TENM3: variants seen among roughly 807,000 people sequenced by gnomAD.
TENM3 encodes teneurin-3.
TENM3 carries 63 observed loss-of-function variants against 255.1 expected under a neutral mutation model. The observed-to-expected ratio is 0.25, with a 90% CI of 0.20 to 0.30. The LOEUF (loss-of-function observed/expected upper bound fraction) is 0.30, where lower values mean the gene tolerates loss of function less well. TENM3 is among the 10% of genes least tolerant of loss of function. The pLI is 1.00. For missense variants in TENM3, 2,929 were observed against 3,461.1 expected (o/e 0.85, Z 3.86); for synonymous variants, 1,306 against 1,322.3 (o/e 0.99, Z 0.27).
At chr4:182,777,545 T>TGTGTGTG (rs1273276930) in intron 24 of TENM3, among the ~76,000 whole-genome samples, 2 of 88,622 alleles carry the variant, frequency 2.3e-5, no homozygotes, top group Admixed American at 1.3e-4. Flanking sequence ...GTGTGTGTAT[T>TGTGTGTG]TCTTTTTTTT....
chr4:182,250,776 T>G (rs922974435), intron 1 of TENM3, among the ~76,000 whole-genome samples: 1 of 152,228 alleles, frequency 6.6e-6, no homozygotes, highest in Non-Finnish European at 1.5e-5. Context: ...ATTTTTATAT[T>G]TCTGTTGACT....
At chr4:181,591,820 G>A in the TENM3 span, among the ~76,000 whole-genome samples, 3 of 152,228 alleles carry the variant, frequency 2.0e-5, no homozygotes, top group Admixed American at 1.3e-4. Flanking sequence ...TGTCTGCCAC[G>A]AAACCAGTCC....
chr4:182,666,584 A>G, intron 6 of TENM3, among the ~76,000 whole-genome samples: 1 of 152,196 alleles, frequency 6.6e-6, no homozygotes, highest in East Asian at 1.9e-4. Context: ...TTTTTAAATT[A>G]AGTTTGTACG....
the TENM3 span, among the ~76,000 whole-genome samples, chr4:181,806,987 A>G: frequency 2.0e-4 from 30 of 151,592 alleles, no homozygotes; most frequent in East Asian, 2.0e-3. Flanking sequence ...TACTCCATCA[A>G]TTAGTCACTC....
chr4:182,679,970 C>A, intron 8 of TENM3, 94 bp downstream of exon 8: 1 of 1,130,056 alleles, frequency 8.8e-7, no homozygotes, highest in Non-Finnish European at 1.3e-6. Flanking sequence ...TGGGGTAATT[C>A]CTAGGGTGTT....
At chr4:181,738,266 A>G in the TENM3 span, among the ~76,000 whole-genome samples, 7 of 152,274 alleles carry the variant, frequency 4.6e-5, no homozygotes, top group Non-Finnish European at 7.4e-5. Context: ...TGTATACAGT[A>G]ACTGGATTTC....
chr4:182,336,194 C>T (rs1764127411), intron 2 of TENM3, among the ~76,000 whole-genome samples: 1 of 152,164 alleles, frequency 6.6e-6, no homozygotes, highest in African/African-American at 2.4e-5. Flanking sequence ...CATTCAGACA[C>T]AGATAACTCA....
At chr4:182,631,449 T>TA (rs1353524590) in intron 5 of TENM3, 1 of 152,238 alleles carries the variant, frequency 6.6e-6, no homozygotes, top group African/African-American at 2.4e-5. Context: ...TTTAATCAGG[T>TA]AAAAAAATTT....
Position 182,690,587 on chromosome 4 carries a change from G to GTA in TENM3, c.2221+2238_2221+2239dup, listed in dbSNP as rs1756940825. Reference sequence around the variant, plus strand: ...GAGGGAGAAAAGTTATGATCTGACTGTATGTATCTTAGGAAGTACAACAAA... The same window carrying GTA: ...GAGGGAGAAAAGTTATGATCTGACTGTATATGTATCTTAGGAAGTACAACAAA... On this transcript the variant is annotated intron_variant, in intron 12 of 27. Coordinates refer to ENST00000511685, the MANE Select transcript of TENM3 (RefSeq NM_001080477.4). Among the ~76,000 whole-genome samples, 4 of 152,276 alleles carry GTA rather than the reference G, an allele frequency of 2.6e-5. No individual in the cohort carries two copies. In the South Asian group the frequency reaches 8.3e-4, roughly 32 times the overall value.
chr4:181,977,917 G>A, the TENM3 span, among the ~76,000 whole-genome samples: 1 of 152,182 alleles, frequency 6.6e-6, no homozygotes, highest in Non-Finnish European at 1.5e-5. Flanking sequence ...CTGAAAGTAA[G>A]AACAATCAGT....
chr4:181,760,853 G>A, the TENM3 span, among the ~76,000 whole-genome samples: 16 of 151,798 alleles, frequency 1.1e-4, no homozygotes, highest in South Asian at 3.3e-3. Context: ...GAATCATATG[G>A]TTGATGATTA....
intron 3 of TENM3, among the ~76,000 whole-genome samples, chr4:182,398,737 G>C (rs1261421702): frequency 6.6e-6 from 1 of 152,186 alleles, no homozygotes; most frequent in Admixed American, 6.5e-5. Flanking sequence ...ACCAGATATA[G>C]TTGTGACAAA....
At chr4:182,627,142 C>G (rs1239246230) in intron 4 of TENM3, among the ~76,000 whole-genome samples, 1 of 152,152 alleles carries the variant, frequency 6.6e-6, no homozygotes, top group Non-Finnish European at 1.5e-5. Context: ...TCAGCCTTTT[C>G]TAAGCAATAA....
chr4:181,680,757 A>G, the TENM3 span, among the ~76,000 whole-genome samples: 8 of 152,244 alleles, frequency 5.3e-5, no homozygotes, highest in South Asian at 1.2e-3. Context: ...AGATATTGCC[A>G]TTACTCAAGT....
At chr4:182,119,121 A>T in the TENM3 span, among the ~76,000 whole-genome samples, 1 of 152,238 alleles carries the variant, frequency 6.6e-6, no homozygotes, top group East Asian at 1.9e-4. Flanking sequence ...GAATGGCTGG[A>T]AGGGGCTAGA....
chr4:182,111,554 G>A, the TENM3 span, among the ~76,000 whole-genome samples: 3 of 152,184 alleles, frequency 2.0e-5, no homozygotes, highest in East Asian at 5.8e-4. Context: ...GCAATGGAAA[G>A]ATAATACACT....
At chr4:182,651,369 T>A (rs1753271430) in intron 5 of TENM3, among the ~76,000 whole-genome samples, 1 of 152,120 alleles carries the variant, frequency 6.6e-6, no homozygotes, top group Admixed American at 6.6e-5. Context: ...AATTGAAGAA[T>A]CCTATAACCT....
At chr4:181,851,858 C>G in the TENM3 span, among the ~76,000 whole-genome samples, 2 of 152,150 alleles carry the variant, frequency 1.3e-5, no homozygotes, top group South Asian at 4.1e-4. Context: ...ACAGCGACCA[C>G]TGCGACATTT....
the TENM3 span, among the ~76,000 whole-genome samples, chr4:181,738,603 T>C: frequency 6.6e-6 from 1 of 152,174 alleles, no homozygotes; most frequent in Non-Finnish European, 1.5e-5. Context: ...TGATTGTTCG[T>C]AGCATTTCCT....
Sources: gnomAD v4.1 joint callset for allele counts (sites outside exome capture counted in the v4.1 genomes callset) on GRCh38, gnomAD v4.1.1 for gene constraint, MANE v1.5 for transcripts, NCBI Gene and HGNC (gene_info 2026-07-23, HGNC 2026-07-21) for gene names.